Variants in LDB2 observed in about 807,000 individuals in gnomAD.
LDB2 encodes the protein LIM domain-binding protein 2.
A neutral mutation model predicts 44.3 loss-of-function variants in LDB2; 12 were observed. That is an observed-to-expected ratio of 0.27 (90% CI 0.17 to 0.44). The LOEUF is 0.44. LDB2 is among the 20% of genes least tolerant of loss of function. LDB2 has a pLI of 1.00. For synonymous variants in LDB2, 164 were observed against 174.8 expected (o/e 0.94, Z 0.49); for missense variants, 344 against 473.5 (o/e 0.73, Z 2.54).
chr4:16,674,389 G>A (rs1745706321), intron 2 of LDB2: 1 of 620,224 alleles, frequency 1.6e-6, no homozygotes, highest in Non-Finnish European at 2.6e-6. Context: ...GGCGGTGTTA[G>A]AAGCAGGGAC....
chr4:16,507,748 A>G (rs1241751167), intron 7 of LDB2, among the ~76,000 whole-genome samples: 1 of 152,168 alleles, frequency 6.6e-6, no homozygotes, highest in Non-Finnish European at 1.5e-5. Flanking sequence ...GGAGCAAAGT[A>G]CTTAAAGGAG....
chr4:16,747,550 A>G (rs540803582), intron 2 of LDB2, among the ~76,000 whole-genome samples: 7 of 152,356 alleles, frequency 4.6e-5, no homozygotes, highest in Admixed American at 6.5e-5. Flanking sequence ...AAATGCCTCA[A>G]GTGAACACTG....
intron 2 of LDB2, among the ~76,000 whole-genome samples, chr4:16,644,294 T>C (rs932736154): frequency 7.2e-5 from 11 of 152,226 alleles, no homozygotes; most frequent in Admixed American, 6.5e-4. Flanking sequence ...CTTCAATATT[T>C]CATCCCAAGC....
chr4:16,846,429 C>A (rs1787019182), intron 1 of LDB2, among the ~76,000 whole-genome samples: 3 of 152,118 alleles, frequency 2.0e-5, no homozygotes, highest in African/African-American at 7.2e-5. Context: ...AGCAAAAGAT[C>A]AAACTCTTTA....
chr4:16,630,385 G>A (rs1731578680), intron 2 of LDB2, among the ~76,000 whole-genome samples: 2 of 152,170 alleles, frequency 1.3e-5, no homozygotes, highest in Admixed American at 1.3e-4. Context: ...ACAAGCAAAT[G>A]CTGAGAGATT....
At chr4:16,774,779 G>C (rs1177746229) in intron 1 of LDB2, among the ~76,000 whole-genome samples, 1 of 152,152 alleles carries the variant, frequency 6.6e-6, no homozygotes, top group Non-Finnish European at 1.5e-5. Flanking sequence ...GTGTGTGTGA[G>C]CAAGAGACAG....
intron 2 of LDB2, among the ~76,000 whole-genome samples, chr4:16,598,873 CTTTCT>C (rs1299821623): frequency 7.9e-4 from 68 of 86,212 alleles, no homozygotes; most frequent in Middle Eastern, 7.4e-3. Context: ...CCTTTTCTTT[CTTTCT>C]TTTTTTTTTT....
chr4:16,605,799 C>A (rs1723773347), intron 2 of LDB2, among the ~76,000 whole-genome samples: 1 of 152,166 alleles, frequency 6.6e-6, no homozygotes, highest in Non-Finnish European at 1.5e-5. Context: ...AGAGACCTCC[C>A]CGCCCTGCTC....
chr4:16,829,693 T>C (rs1192314336), intron 1 of LDB2, among the ~76,000 whole-genome samples: 1 of 152,214 alleles, frequency 6.6e-6, no homozygotes, highest in Non-Finnish European at 1.5e-5. Context: ...TCACTTAGTC[T>C]GTATGTTCTG....
intron 1 of LDB2, among the ~76,000 whole-genome samples, chr4:16,812,364 A>G (rs1048290476): frequency 2.0e-4 from 31 of 152,104 alleles, no homozygotes; most frequent in African/African-American, 7.2e-4. Flanking sequence ...ATTATGATCT[A>G]AGAGGCACAG....
chr4:16,716,682 C>A (rs891353046), intron 2 of LDB2, among the ~76,000 whole-genome samples: 1 of 152,060 alleles, frequency 6.6e-6, no homozygotes, highest in African/African-American at 2.4e-5. Context: ...AACCAAAGCC[C>A]CTTGGCCTCT....
intron 1 of LDB2, among the ~76,000 whole-genome samples, chr4:16,894,700 A>G (rs1224973330): frequency 3.3e-5 from 5 of 152,130 alleles, no homozygotes; most frequent in Non-Finnish European, 5.9e-5. Context: ...CCAGGCCCCA[A>G]AAAACTTCAG....
chr4:16,870,469 T>C (rs1411828128), intron 1 of LDB2, among the ~76,000 whole-genome samples: 1 of 151,888 alleles, frequency 6.6e-6, no homozygotes, highest in Non-Finnish European at 1.5e-5. Flanking sequence ...TGTGTGGCCT[T>C]ACCCAGAGCA....
At chr4:16,623,489 C>G (rs775345183) in intron 2 of LDB2, among the ~76,000 whole-genome samples, 9 of 152,032 alleles carry the variant, frequency 5.9e-5, no homozygotes, top group Non-Finnish European at 8.8e-5. Context: ...CCCAGCTACT[C>G]AGGAGGCTGA....
chr4:16,870,231 C>T (rs554633588), intron 1 of LDB2, among the ~76,000 whole-genome samples: 6 of 152,236 alleles, frequency 3.9e-5, no homozygotes, highest in South Asian at 2.1e-4. Context: ...AGGAGCCTGC[C>T]ACATGGACGA....
At chr4:16,847,839 A>G (rs963258758) in intron 1 of LDB2, among the ~76,000 whole-genome samples, 1 of 152,182 alleles carries the variant, frequency 6.6e-6, no homozygotes, top group African/African-American at 2.4e-5. Context: ...GATGGTCTCA[A>G]TTTCCTGACC....
intron 1 of LDB2, among the ~76,000 whole-genome samples, chr4:16,781,170 T>A (rs1434116856): frequency 1.3e-5 from 2 of 152,098 alleles, no homozygotes; most frequent in Non-Finnish European, 2.9e-5. Context: ...CTCAGAAGAA[T>A]GAAACAGAAT....
At chr4:16,772,539 T>G (rs775991025) in intron 1 of LDB2, among the ~76,000 whole-genome samples, 14 of 152,248 alleles carry the variant, frequency 9.2e-5, no homozygotes, top group Non-Finnish European at 1.8e-4. Flanking sequence ...CCAGGAACTT[T>G]CCAGAATCTT....
chr4:16,825,458 T>G (rs565105525), intron 1 of LDB2, among the ~76,000 whole-genome samples: 35 of 152,224 alleles, frequency 2.3e-4, no homozygotes, highest in Non-Finnish European at 2.9e-4. Context: ...CCACATCCAG[T>G]CTGTAATTCA....
Sources: allele counts gnomAD v4.1 joint callset (sites outside exome capture counted in the v4.1 genomes callset), GRCh38; gene constraint gnomAD v4.1.1; transcripts MANE v1.5; gene names NCBI Gene and HGNC (gene_info 2026-07-23, HGNC 2026-07-21).